SNX24: variants seen among roughly 807,000 people sequenced by gnomAD.
SNX24 encodes the protein sorting nexin-24.
In SNX24, 22 loss-of-function variants were observed where a neutral mutation model predicts 28.7. The observed-to-expected ratio is 0.77, with a 90% CI of 0.55 to 1.10. The LOEUF is 1.10. Ranked by LOEUF, SNX24 falls within the 50% of genes least tolerant of loss-of-function variation. SNX24 has a pLI of 0.00. For missense variants in SNX24, 221 were observed against 201.1 expected, an observed-to-expected ratio of 1.10 and a Z score of -0.60; for synonymous variants, 69 against 71.5, an observed-to-expected ratio of 0.96 and a Z score of 0.18.
intron 3 of SNX24, among the ~76,000 whole-genome samples, chr5:122,996,015 T>G (rs1031160026): frequency 3.1e-4 from 47 of 152,222 alleles, no homozygotes; most frequent in African/African-American, 1.1e-3. Flanking sequence ...CACCACTGAC[T>G]GCTGCATTTT....
At chr5:122,940,289 C>G (rs1759383391) in intron 2 of SNX24, among the ~76,000 whole-genome samples, 2 of 152,110 alleles carry the variant, frequency 1.3e-5, no homozygotes. Flanking sequence ...CCACCGCGCC[C>G]AGACTAATTT....
chr5:123,017,590 C>A, intron 5 of SNX24, among the ~76,000 whole-genome samples: 1 of 151,978 alleles, frequency 6.6e-6, no homozygotes, highest in East Asian at 1.9e-4. Flanking sequence ...TTGGCTGTGT[C>A]CCCACCCAAA....
chr5:122,855,262 G>C (rs901835915), intron 1 of SNX24, among the ~76,000 whole-genome samples: 6 of 152,038 alleles, frequency 3.9e-5, no homozygotes, highest in Admixed American at 3.3e-4. Context: ...AGTAGAGACG[G>C]TTTCACCATG....
chr5:122,931,088 A>G (rs776239451), intron 1 of SNX24, among the ~76,000 whole-genome samples: 1 of 152,216 alleles, frequency 6.6e-6, no homozygotes, highest in Admixed American at 6.5e-5. Flanking sequence ...TTGTAGCAGT[A>G]TGTGTTTTTC....
At chr5:122,867,729 C>G (rs1755784805) in intron 1 of SNX24, among the ~76,000 whole-genome samples, 1 of 152,230 alleles carries the variant, frequency 6.6e-6, no homozygotes, top group Non-Finnish European at 1.5e-5. Context: ...AAATCCTCCT[C>G]TGCTGAGATC....
At chr5:122,979,583 G>A (rs1041571438) in intron 3 of SNX24, among the ~76,000 whole-genome samples, 4 of 152,198 alleles carry the variant, frequency 2.6e-5, no homozygotes, top group African/African-American at 9.6e-5. Flanking sequence ...TTATGCCCTG[G>A]TGCTTTTAAA....
At chr5:122,885,630 C>T (rs1321673211) in intron 1 of SNX24, among the ~76,000 whole-genome samples, 1 of 152,162 alleles carries the variant, frequency 6.6e-6, no homozygotes, top group African/African-American at 2.4e-5. Context: ...GCCAGCTTAA[C>T]TCTGGACCAA....
In SNX24 at chr5:122,845,642, C is replaced by T. The variant is rs1379700116; in HGVS notation, c.9C>T (p.Val3=). ...GGCTGGCCGGCGCGGCCATGGAGGT[C>T]TACATCCCGTCCTTTCGCTATGAAG... ME[V]YIPSFRYEES... Residue 3 remains valine (V), a synonymous_variant, in exon 1 of 7, where the codon GTC becomes GTT. Coordinates refer to ENST00000261369, the MANE Select transcript of SNX24 (RefSeq NM_014035.4). 1.4e-6 allele frequency: 2 copies of T among 1,429,726 alleles called. No homozygotes were observed. Among genetic ancestry groups the T allele is most frequent in the East Asian group, 2.7e-5 (1 of 36,446 alleles). 88.6% of individuals were successfully genotyped at this position (1,429,726 alleles called of 1,614,324 possible).
intron 1 of SNX24, among the ~76,000 whole-genome samples, chr5:122,881,406 G>A (rs1430457263): frequency 6.6e-6 from 1 of 152,118 alleles, no homozygotes; most frequent in Non-Finnish European, 1.5e-5. Context: ...TTCAAAATGT[G>A]GTATGGATCA....
intron 3 of SNX24, among the ~76,000 whole-genome samples, chr5:122,984,972 T>G (rs1350947642): frequency 6.6e-6 from 1 of 152,182 alleles, no homozygotes; most frequent in African/African-American, 2.4e-5. Flanking sequence ...GTTTCTCTTT[T>G]TTGTCCTTAT....
intron 3 of SNX24, chr5:122,965,515 T>C (rs1760681637): frequency 2.2e-6 from 1 of 452,732 alleles, no homozygotes; most frequent in Non-Finnish European, 4.4e-6. Flanking sequence ...AAGATAATTG[T>C]GTAAAGGTAG....
At chr5:122,953,349 C>A (rs982500130) in intron 3 of SNX24, among the ~76,000 whole-genome samples, 3 of 152,146 alleles carry the variant, frequency 2.0e-5, no homozygotes, top group Non-Finnish European at 2.9e-5. Context: ...AAATGATCCT[C>A]CCGTCTTGGC....
chr5:122,986,905 A>G (rs1761628164), intron 3 of SNX24, among the ~76,000 whole-genome samples: 1 of 152,152 alleles, frequency 6.6e-6, no homozygotes, highest in Non-Finnish European at 1.5e-5. Flanking sequence ...CTAGTGAATA[A>G]CTAGGAGAAA....
chr5:122,889,689 ATATG>A (rs1225587539), intron 1 of SNX24, among the ~76,000 whole-genome samples: 3 of 141,776 alleles, frequency 2.1e-5, no homozygotes, highest in South Asian at 4.4e-4. Context: ...ATATATATGT[ATATG>A]TATGTGTATA....
chr5:122,984,866 A>T (rs1272863106), intron 3 of SNX24, among the ~76,000 whole-genome samples: 1 of 152,216 alleles, frequency 6.6e-6, no homozygotes, highest in East Asian at 1.9e-4. Flanking sequence ...AATTAACCTA[A>T]TTTTTAGCCT....
At chr5:122,912,126 TG>T (rs1757918294) in intron 1 of SNX24, among the ~76,000 whole-genome samples, 1 of 137,206 alleles carries the variant, frequency 7.3e-6, no homozygotes, top group African/African-American at 2.8e-5. Context: ...TCCATTTGTT[TG>T]TATCCTCTTT....
At chr5:122,917,954 C>G (rs1176838829) in intron 1 of SNX24, among the ~76,000 whole-genome samples, 2 of 152,084 alleles carry the variant, frequency 1.3e-5, no homozygotes, top group African/African-American at 4.8e-5. Context: ...GTGGTGGGCG[C>G]CTGTAGTCCC....
chr5:122,965,617 G>A (rs755514373), intron 3 of SNX24: 1 of 305,232 alleles, frequency 3.3e-6, no homozygotes, highest in East Asian at 7.8e-5. Flanking sequence ...GTGACGAAAT[G>A]GATGGGGATG....
rs550865840 is a variant in SNX24 at position 122,932,735 on chromosome 5, T to C, written c.61-3999T>C. Among the ~76,000 whole-genome samples, 648 of 151,996 alleles carry C rather than the reference T, an allele frequency of 4.3e-3. 5 individuals carry two copies. Among genetic ancestry groups the C allele is most frequent in the African/African-American group, 0.015 (616 of 41,492 alleles). ...TTAGCTGGGCATGGTGGCGGGCGCC[T>C]GTAGTCCCAGCTTCTTGGGAAGCTG... is the stretch of plus-strand genomic sequence containing the variant. On this transcript the variant is annotated intron_variant, in intron 1 of 6. Transcript: ENST00000261369.
Sources: allele counts gnomAD v4.1 joint callset (sites outside exome capture counted in the v4.1 genomes callset), GRCh38; gene constraint gnomAD v4.1.1; transcripts MANE v1.5; gene names NCBI Gene and HGNC (gene_info 2026-07-23, HGNC 2026-07-21).